VPS35L: variants seen among roughly 807,000 people sequenced by gnomAD.
VPS35L encodes the protein VPS35 endosomal protein-sorting factor-like.
In VPS35L, 83 loss-of-function variants were observed where a neutral mutation model predicts 133.0. That is an observed-to-expected ratio of 0.62 (90% CI 0.52 to 0.75). The LOEUF is 0.75. VPS35L is among the 30% of genes least tolerant of loss of function. VPS35L has a pLI of 0.00. For synonymous variants in VPS35L, 423 were observed against 449.9 expected, an observed-to-expected ratio of 0.94 and a Z score of 0.76; for missense variants, 1,083 against 1,206.8, an observed-to-expected ratio of 0.90 and a Z score of 1.52.
At chr16:19,673,254 C>T (rs952404121) in intron 27 of VPS35L, among the ~76,000 whole-genome samples, 1 of 152,212 alleles carries the variant, frequency 6.6e-6, no homozygotes, top group African/African-American at 2.4e-5. Context: ...TGATGGAGAA[C>T]ATTTGGAATG....
chr16:19,562,796 C>G (rs1008468856), intron 1 of VPS35L, among the ~76,000 whole-genome samples: 4 of 151,844 alleles, frequency 2.6e-5, no homozygotes, highest in African/African-American at 9.7e-5. Context: ...ATTCTGTTGC[C>G]CAGGCTGGAG....
intron 26 of VPS35L, among the ~76,000 whole-genome samples, chr16:19,667,285 C>CA (rs1974725927): frequency 6.6e-6 from 1 of 152,040 alleles, no homozygotes; most frequent in African/African-American, 2.4e-5. Context: ...CTAGTGGTCA[C>CA]AAGATAGAAG....
intron 8 of VPS35L, 171 bp from the exon 9 acceptor site, chr16:19,601,493 A>AG: frequency 1.6e-6 from 1 of 619,808 alleles, no homozygotes; most frequent in Non-Finnish European, 2.7e-6. Flanking sequence ...AAAACTAAAA[A>AG]CAAAACAAAA....
At chr16:19,609,681 G>A (rs933950185) in intron 11 of VPS35L, among the ~76,000 whole-genome samples, 3 of 152,138 alleles carry the variant, frequency 2.0e-5, no homozygotes, top group Admixed American at 6.5e-5. Context: ...ACTGATTCAT[G>A]GTGCTCCACA....
chr16:19,617,067 A>C (rs1972919440), intron 14 of VPS35L: 2 of 617,820 alleles, frequency 3.2e-6, no homozygotes, highest in African/African-American at 3.7e-5. Flanking sequence ...ACAGCTAGAA[A>C]GCAGTTTGGT....
intron 4 of VPS35L, chr16:19,573,494 A>G: frequency 3.0e-6 from 1 of 328,690 alleles, no homozygotes. Context: ...TTAGAACAGC[A>G]GAGTCTTGTC....
At chr16:19,565,384 C>T (rs1434106394) in intron 2 of VPS35L, among the ~76,000 whole-genome samples, 1 of 152,024 alleles carries the variant, frequency 6.6e-6, no homozygotes. Context: ...ACTTTGTAGC[C>T]CAGGCTGGAG....
chr16:19,578,943 A>G (rs1312653922), intron 5 of VPS35L, 109 bp from the exon 6 acceptor site: 7 of 886,558 alleles, frequency 7.9e-6, no homozygotes, highest in South Asian at 1.4e-5. Context: ...TAATGGAATC[A>G]TTCCCTTGTG....
chr16:19,568,164 C>A (rs572229739), intron 2 of VPS35L, among the ~76,000 whole-genome samples: 1 of 152,190 alleles, frequency 6.6e-6, no homozygotes, highest in Non-Finnish European at 1.5e-5. Context: ...AAGGATATTA[C>A]AAAGAATACA....
chr16:19,592,208 G>T (rs1972066930), intron 8 of VPS35L, among the ~76,000 whole-genome samples: 1 of 151,472 alleles, frequency 6.6e-6, no homozygotes, highest in Non-Finnish European at 1.5e-5. Context: ...CTGAGTAGCT[G>T]GGGCTACAGG....
intron 8 of VPS35L, among the ~76,000 whole-genome samples, chr16:19,594,030 C>T (rs1972125449): frequency 6.6e-6 from 1 of 152,278 alleles, no homozygotes; most frequent in South Asian, 2.1e-4. Flanking sequence ...GGTCCCAGGG[C>T]ATGGAAAGAG....
At chr16:19,673,714 C>G (rs1407870954) in intron 27 of VPS35L, among the ~76,000 whole-genome samples, 1 of 152,142 alleles carries the variant, frequency 6.6e-6, no homozygotes, top group Non-Finnish European at 1.5e-5. Context: ...CACTAGGTGC[C>G]CCATGCCTTG....
In VPS35L at chr16:19,653,143, G is replaced by A. The variant is rs1974187970; in HGVS notation, c.2221+1053G>A. ...TATTCTCATCTGTCATTGACAGAGT[G>A]CTGCTTCTAGGATATTAACCCCCTG... is the stretch of plus-strand genomic sequence containing the variant. On this transcript the variant is annotated intron_variant, in intron 26 of 30. Transcript: ENST00000417362. Among the ~76,000 whole-genome samples the A allele has an allele frequency of 2.0e-5, 3 of 152,306 alleles. No homozygotes were observed. The South Asian group carries it at 6.2e-4, about 32-fold the overall frequency.
chr16:19,603,695 C>T (rs1307629644), intron 9 of VPS35L, among the ~76,000 whole-genome samples: 1 of 152,120 alleles, frequency 6.6e-6, no homozygotes, highest in Non-Finnish European at 1.5e-5. Flanking sequence ...AAGGCCTTCT[C>T]CGCTGGCTTG....
intron 29 of VPS35L, among the ~76,000 whole-genome samples, chr16:19,692,531 C>T (rs900842552): frequency 3.9e-5 from 6 of 152,068 alleles, no homozygotes; most frequent in Admixed American, 3.9e-4. Flanking sequence ...ACATTGCCCT[C>T]CTCAACCAAG....
intron 26 of VPS35L, among the ~76,000 whole-genome samples, chr16:19,653,349 C>T (rs778703271): frequency 1.1e-4 from 16 of 152,196 alleles, no homozygotes; most frequent in Admixed American, 2.0e-4. Context: ...AATCTTTACG[C>T]GACATTTATG....
chr16:19,698,480 G>GCAGT (rs1254580144), intron 29 of VPS35L, among the ~76,000 whole-genome samples: 4 of 152,144 alleles, frequency 2.6e-5, no homozygotes, highest in Non-Finnish European at 5.9e-5. Flanking sequence ...AATTCCATCT[G>GCAGT]CAGTCTCTCC....
chr16:19,698,494 G>A (rs1428798702), intron 29 of VPS35L, among the ~76,000 whole-genome samples: 1 of 152,180 alleles, frequency 6.6e-6, no homozygotes, highest in Non-Finnish European at 1.5e-5. Context: ...TCTCTCCACA[G>A]CAGCACCGGG....
intron 26 of VPS35L, among the ~76,000 whole-genome samples, chr16:19,666,714 T>C (rs544700387): frequency 9.9e-5 from 15 of 151,932 alleles, no homozygotes; most frequent in Admixed American, 2.0e-4. Flanking sequence ...TAGAAAAAAA[T>C]GGTCTTTCAA....
Sources: allele counts gnomAD v4.1 joint callset (sites outside exome capture counted in the v4.1 genomes callset), GRCh38; gene constraint gnomAD v4.1.1; transcripts MANE v1.5; gene names NCBI Gene and HGNC (gene_info 2026-07-23, HGNC 2026-07-21).